MICA: variants seen among roughly 807,000 people sequenced by gnomAD.
MICA encodes HLA class I antigen.
In MICA, 18 loss-of-function variants were observed where a neutral mutation model predicts 34.3. The ratio of observed to expected loss-of-function variants is 0.52; its 90% CI spans 0.36 to 0.78. MICA has a LOEUF of 0.78. Among genes scored for constraint, MICA ranks in the 30% least tolerant of loss-of-function variants. The probability of loss-of-function intolerance (pLI) is 0.00; values close to 1 mark genes in which losing one functional copy is unlikely to be tolerated. For missense variants in MICA, 333 were observed against 409.4 expected, an observed-to-expected ratio of 0.81 and a Z score of 1.61; for synonymous variants, 135 against 156.9, an observed-to-expected ratio of 0.86 and a Z score of 1.04.
At chr6:31,410,904 G>C in intron 2 of MICA, 107 bp downstream of exon 2, 1 of 1,479,892 alleles carries the variant, frequency 6.8e-7, no homozygotes, top group South Asian at 1.4e-5. Flanking sequence ...CAGGCTGGGG[G>C]TGAGGAATGG....
intron 1 of MICA, among the ~76,000 whole-genome samples, chr6:31,409,989 T>A (rs1770999431): frequency 6.6e-6 from 1 of 151,372 alleles, no homozygotes; most frequent in Non-Finnish European, 1.5e-5. Flanking sequence ...TGCTCCCCTC[T>A]GGGATACTGA....
At chr6:31,401,662 A>T (rs1770437775), upstream of MICA, among the ~76,000 whole-genome samples, 1 of 93,852 alleles carries the variant, frequency 1.1e-5, no homozygotes, top group Admixed American at 1.1e-4. Flanking sequence ...TCCTCTCTTA[A>T]AAAAAAAAAA....
intron 5 of MICA, among the ~76,000 whole-genome samples, chr6:31,413,353 A>C (rs6934403): frequency 0.35 from 52,624 of 151,336 alleles, 9,723 homozygotes; most frequent in African/African-American, 0.43. Flanking sequence ...GTTTTTGGGG[A>C]TTTAATCTGT....
At chr6:31,414,677 C>G (rs1771410314) in intron 5 of MICA, among the ~76,000 whole-genome samples, 1 of 151,936 alleles carries the variant, frequency 6.6e-6, no homozygotes, top group Non-Finnish European at 1.5e-5. Flanking sequence ...CAGGGCCTCT[C>G]TTTGGGGAGG....
Position 31,415,242 on chromosome 6 carries a change from A to C in MICA, c.*260A>C. 5.1e-6 allele frequency: 3 copies of C among 588,190 alleles called. No homozygotes were observed. Among genetic ancestry groups the C allele is most frequent in the Non-Finnish European group, 9.2e-6 (3 of 324,768 alleles). 36.4% of individuals were successfully genotyped at this position (588,190 alleles called of 1,614,324 possible). On this transcript the variant is annotated 3_prime_UTR_variant, in exon 6 of 6. Transcript: ENST00000449934. ...CTGACCTATGAAACAGAGAAAATAA[A>C]AGCACTTATTTATTGTTGTTGGAGG...
upstream of MICA, among the ~76,000 whole-genome samples, chr6:31,403,324 G>C (rs6906175): frequency 0.31 from 46,471 of 151,546 alleles, 7,764 homozygotes; most frequent in African/African-American, 0.36. The surrounding 1 kb of genome is among the most constrained non-coding windows in gnomAD (Gnocchi z 4.7). Flanking sequence ...CAGGGCCCTG[G>C]CCGTGCTTAT....
At position 31,411,417 on chromosome 6, in the gene MICA, C is replaced by T; in HGVS notation, c.613+58C>T. On this transcript the variant is annotated intron_variant, in intron 3 of 5. Transcript: ENST00000449934. The surrounding 1 kb of genome is among the most constrained non-coding windows in gnomAD (Gnocchi z 4.3). ...TCCAATTCTGCTAGAGTTGCCTCACCTCCCAGATGTGTCCAGGGAAACCCT... is the reference window on the plus strand; with the variant it reads ...TCCAATTCTGCTAGAGTTGCCTCACTTCCCAGATGTGTCCAGGGAAACCCT... 1 of 1,478,296 alleles carries T rather than the reference C, an allele frequency of 6.8e-7. No individual in the cohort carries two copies. 91.6% of individuals were successfully genotyped at this position (1,478,296 alleles called of 1,614,324 possible).
At chr6:31,402,166 G>A (rs1770466515), upstream of MICA, 1 of 151,594 alleles carries the variant, frequency 6.6e-6, no homozygotes, top group South Asian at 2.1e-4. Flanking sequence ...GGCTAGTCAA[G>A]TGAAACAGTG....
chr6:31,403,207 C>T (rs116135464), upstream of MICA, among the ~76,000 whole-genome samples: 4,653 of 151,818 alleles, frequency 0.031, 114 homozygotes, highest in Non-Finnish European at 0.044. This position sits in a 1 kb window ranked among gnomAD's most constrained non-coding sequence, Gnocchi z 4.7. Flanking sequence ...AGGAACAAGC[C>T]AGTGAGAGCC....
At chr6:31,405,467 G>T (rs1406476932) in intron 1 of MICA, among the ~76,000 whole-genome samples, 1 of 151,426 alleles carries the variant, frequency 6.6e-6, no homozygotes, top group Non-Finnish European at 1.5e-5. Context: ...TATTTATGGG[G>T]TACATGGGAT....
At chr6:31,410,863 A>G (rs17206617) in intron 2 of MICA, 66 bp downstream of exon 2, 65,420 of 1,513,628 alleles carry the variant, frequency 0.043, 1,649 homozygotes, top group Non-Finnish European at 0.047. Flanking sequence ...GGCAGAGAGC[A>G]GGGACCTGTC....
intron 1 of MICA, among the ~76,000 whole-genome samples, chr6:31,409,309 C>CTG (rs35508435): frequency 0.2 from 30,096 of 149,638 alleles, 3,819 homozygotes; most frequent in African/African-American, 0.28. Flanking sequence ...CAACCTTGCT[C>CTG]TGTGTGTGTG....
intron 4 of MICA, 49 bp from the exon 5 acceptor site, chr6:31,412,276 G>A: frequency 6.2e-7 from 1 of 1,606,060 alleles, no homozygotes; most frequent in Non-Finnish European, 8.5e-7. Flanking sequence ...GGGACAGCAG[G>A]GATGGCTGTG....
upstream of MICA, among the ~76,000 whole-genome samples, chr6:31,401,914 A>G (rs1770450851): frequency 6.6e-6 from 1 of 151,878 alleles, no homozygotes; most frequent in Non-Finnish European, 1.5e-5. Flanking sequence ...ACCTCTGCCT[A>G]GATGTCCCAA....
Position 31,415,022 on chromosome 6 carries a change from C to G in MICA, c.*40C>G. On this transcript the variant is annotated 3_prime_UTR_variant, in exon 6 of 6. Transcript: ENST00000449934. The stretch of plus-strand genomic sequence containing the variant: ...CCCTCTTTTCTCCAGAGCTCGTGAG[C>G]CTGCAGGTCCTGGATCAACACCCAG... 1 of 1,477,014 alleles carries G rather than the reference C, an allele frequency of 6.8e-7. No individual in the cohort carries two copies. Among genetic ancestry groups the G allele is most frequent in the Non-Finnish European group, 9.4e-7 (1 of 1,064,790 alleles). The allele number at this position is 1,477,014 out of a possible 1,614,324, so 91.5% of individuals were successfully genotyped here. A position where few individuals can be genotyped will look rare whatever the true frequency, so the allele number is the denominator to read the frequency against.
chr6:31,409,023 C>CAATAAT (rs140180279), intron 1 of MICA, among the ~76,000 whole-genome samples: 2 of 147,912 alleles, frequency 1.4e-5, no homozygotes, highest in South Asian at 2.2e-4. Context: ...AAAAATAAAA[C>CAATAAT]AATAATAATA....
chr6:31,414,998 C>CCTCTTT lies in MICA; in HGVS notation c.*30-13_*30-8dup. Reference sequence around the variant, plus strand: ...ACCCAGTGGAGCATTTACCCATTTCCCTCTTTTCTCCAGAGCTCGTGAGCC... The same window carrying CCTCTTT: ...ACCCAGTGGAGCATTTACCCATTTCCCTCTTTCTCTTTTCTCCAGAGCTCGTGAGCC... On this transcript the variant is annotated splice_polypyrimidine_tract_variant and intron_variant, in intron 5 of 5. Coordinates refer to ENST00000449934, the MANE Select transcript of MICA (RefSeq NM_001177519.3). 1 of 1,483,792 alleles carries CCTCTTT rather than the reference C, an allele frequency of 6.7e-7. No individual in the cohort carries two copies. The highest frequency in any genetic ancestry group is 9.3e-7 in the Non-Finnish European group (1 of 1,072,644). 91.9% of individuals were successfully genotyped at this position (1,483,792 alleles called of 1,614,324 possible). A position where few individuals can be genotyped will look rare whatever the true frequency, so the allele number is the denominator to read the frequency against.
Position 31,411,392 on chromosome 6 carries a change from T to G in MICA, c.613+33T>G. Reference sequence around the variant, plus strand: ...CGCTGGCCAGGGGCTCTCCTCTCCCTCCAATTCTGCTAGAGTTGCCTCACC... The same window carrying G: ...CGCTGGCCAGGGGCTCTCCTCTCCCGCCAATTCTGCTAGAGTTGCCTCACC... On this transcript the variant is annotated intron_variant, in intron 3 of 5. Coordinates refer to ENST00000449934, the MANE Select transcript of MICA (RefSeq NM_001177519.3). The surrounding 1 kb of genome is among the most constrained non-coding windows in gnomAD (Gnocchi z 4.3). The G allele has an allele frequency of 6.6e-7, 1 of 1,525,856 alleles. No homozygotes were observed. The highest frequency in any genetic ancestry group is 8.8e-7 in the Non-Finnish European group (1 of 1,134,100). The allele number at this position is 1,525,856 out of a possible 1,614,324, so 94.5% of individuals were successfully genotyped here. A position where few individuals can be genotyped will look rare whatever the true frequency, so the allele number is the denominator to read the frequency against.
At chr6:31,402,446 G>A (rs888701348), upstream of MICA, among the ~76,000 whole-genome samples, 7 of 152,020 alleles carry the variant, frequency 4.6e-5, no homozygotes, top group African/African-American at 1.7e-4. Flanking sequence ...GATTGTGGCA[G>A]CTGAGGTTTT....
Sources: allele counts gnomAD v4.1 joint callset (sites outside exome capture counted in the v4.1 genomes callset), GRCh38; gene constraint gnomAD v4.1.1; non-coding constraint Gnocchi (gnomAD v3.1); transcripts MANE v1.5; gene names NCBI Gene and HGNC (gene_info 2026-07-23, HGNC 2026-07-21).